The following OTOG variants were observed in gnomAD, a reference collection of about 807,000 sequenced individuals.
OTOG encodes otogelin.
In OTOG, 296 loss-of-function variants were observed where a neutral mutation model predicts 313.8. The ratio of observed to expected loss-of-function variants is 0.94; its 90% CI spans 0.86 to 1.04. OTOG has a LOEUF of 1.04. OTOG is among the 50% of genes least tolerant of loss of function. The pLI, the probability that OTOG is intolerant of heterozygous loss-of-function variation, is 0.00. For synonymous variants in OTOG, 1,533 were observed against 1,554.9 expected, an observed-to-expected ratio of 0.99 and a Z score of 0.33; for missense variants, 3,948 against 3,840.1, an observed-to-expected ratio of 1.03 and a Z score of -0.74.
chr11:17,635,027 G>T (rs1444209749), intron 45 of OTOG, 53 bp from the exon 46 acceptor site: 2 of 1,535,002 alleles, frequency 1.3e-6, no homozygotes, highest in African/African-American at 1.4e-5. Flanking sequence ...CAGGGGCCCA[G>T]GGGTGGCCAG....
Position 17,641,110 on chromosome 11 carries a change from C to T in OTOG, c.8190+19C>T, listed in dbSNP as rs556945139. The T allele has an allele frequency of 2.1e-3, 142 of 68,464 alleles. 5 individuals are homozygous for T. The highest frequency in any genetic ancestry group is 7.8e-3 in the South Asian group (114 of 14,526). 4.2% of individuals were successfully genotyped at this position (68,464 alleles called of 1,614,324 possible). On this transcript the variant is annotated intron_variant, in intron 51 of 55. Coordinates refer to ENST00000399397, the MANE Select transcript of OTOG (RefSeq NM_001292063.2). ...TGAGGCGGTAGGGTGCAGCCCAGGG[C>T]GGGGTGGGTGGGGTTGGGAGGGCTT...
intron 23 of OTOG, among the ~76,000 whole-genome samples, chr11:17,582,635 C>T (rs866593303): frequency 2.0e-4 from 30 of 152,296 alleles, no homozygotes; most frequent in African/African-American, 7.0e-4. Flanking sequence ...TTGGTGTTTT[C>T]AGTCTTTTCC....
intron 13 of OTOG, 35 bp from the exon 14 acceptor site, chr11:17,561,056 G>T (rs1216714250): frequency 6.5e-7 from 1 of 1,549,896 alleles, no homozygotes; most frequent in Admixed American, 2.0e-5. Flanking sequence ...GGCCTGGAGG[G>T]GTGACCTCTT....
intron 21 of OTOG, 89 bp from the exon 22 acceptor site, chr11:17,576,779 C>A: frequency 6.6e-7 from 1 of 1,508,718 alleles, no homozygotes; most frequent in Non-Finnish European, 9.0e-7. Flanking sequence ...TCTTTCTGAA[C>A]TCTGCAGTGA....
chr11:17,593,687 A>G lies in OTOG; in HGVS notation c.3219A>G (p.Pro1073=), dbSNP rs2134061325. Reference sequence around the variant, plus strand: ...GATTTTTCACACTGGTGCATTTCCCACAGGAGCACATCACCCTCTTGTGGG... The same window carrying G: ...GATTTTTCACACTGGTGCATTTCCCGCAGGAGCACATCACCCTCTTGTGGG... ...RVGFFTLVHF[P]QEHITLLWDQ... is the part of the protein sequence containing the mutation. Residue 1073 remains proline, a synonymous_variant, in exon 27 of 56, where the codon CCA becomes CCG. Coordinates refer to ENST00000399397, the MANE Select transcript of OTOG (RefSeq NM_001292063.2). 1 of 1,549,040 alleles carries G rather than the reference A, an allele frequency of 6.5e-7. No individual in the cohort carries two copies. Among genetic ancestry groups the G allele is most frequent in the Non-Finnish European group, 8.7e-7 (1 of 1,146,966 alleles).
At position 17,548,156 on chromosome 11, in the gene OTOG, A is replaced by C. The variant is rs757967833; in HGVS notation, c.160A>C (p.Ser54Arg). 1 of 1,547,266 alleles carries C rather than the reference A, an allele frequency of 6.5e-7. No homozygotes were observed. Among genetic ancestry groups the C allele is most frequent in the Non-Finnish European group, 8.7e-7 (1 of 1,145,074 alleles). ...QPEPAGQPSSSHQEATLAMGD... is the reference protein window; with the variant it reads ...QPEPAGQPSSRHQEATLAMGD... ...CCAGACTCGTGTTTCCTCCAGCAGC[A>C]GCCACCAGGAGGCGACCCTTGCCAT... Residue 54 changes from serine to arginine, a missense_variant, in exon 3 of 56, where the codon AGC becomes CGC. Transcript: ENST00000399397.
At position 17,599,658 on chromosome 11, in the gene OTOG, C is replaced by T; in HGVS notation, c.3683-13C>T. 1 of 1,550,654 alleles carries T rather than the reference C, an allele frequency of 6.4e-7. No individual in the cohort carries two copies. On this transcript the variant is annotated splice_polypyrimidine_tract_variant and intron_variant, in intron 30 of 55. Coordinates refer to ENST00000399397, the MANE Select transcript of OTOG (RefSeq NM_001292063.2). ...GGCTGGCTCTCAGGAAGTTCCTGTT[C>T]TCTCTCTTTCAGCGTATGACTGTGA...
chr11:17,640,408 G>A lies in OTOG; in HGVS notation c.7936-337G>A, dbSNP rs1391942091. 2.0e-5 allele frequency among the ~76,000 whole-genome samples: 3 copies of A among 152,294 alleles called. No homozygotes were observed. In the East Asian group the frequency reaches 5.8e-4, roughly 29 times the overall value. On this transcript the variant is annotated intron_variant, in intron 49 of 55. Coordinates refer to ENST00000399397, the MANE Select transcript of OTOG (RefSeq NM_001292063.2). ...TTTACAGTCCTTTTCTGAATTATAT[G>A]TAACCCTCCCCACCCCAGCACACAT...
chr11:17,550,683 T>A (rs1851912835), intron 3 of OTOG, among the ~76,000 whole-genome samples: 1 of 151,374 alleles, frequency 6.6e-6, no homozygotes, highest in Non-Finnish European at 1.5e-5. Flanking sequence ...AGGATGCGAG[T>A]TGTTTCCTGT....
At chr11:17,615,233 C>T (rs1275603533) in intron 39 of OTOG, among the ~76,000 whole-genome samples, 2 of 152,164 alleles carry the variant, frequency 1.3e-5, no homozygotes, top group East Asian at 1.9e-4. Context: ...GTTTTGAGAA[C>T]TTTTCCTGTG....
intron 49 of OTOG, 61 bp from the exon 50 acceptor site, chr11:17,640,684 C>G (rs2133719284): frequency 6.0e-6 from 9 of 1,506,118 alleles, no homozygotes; most frequent in Middle Eastern, 3.8e-4. Context: ...AGGTGGCAGA[C>G]TGCTCCTGAG....
rs977925469 is a variant in OTOG at position 17,635,656 on chromosome 11, G to A, written c.7740G>A (p.Glu2580=). The change falls in exon 47 of 56, where the codon GAG becomes GAA. Residue 2580 remains glutamate (E), a synonymous_variant. Coordinates refer to ENST00000399397, the MANE Select transcript of OTOG (RefSeq NM_001292063.2). The part of the protein sequence containing the change: ...PDSIPECQEG[E]ALTVHRNTTE... Reference sequence around the variant, plus strand: ...CCATCCCCGAATGTCAAGAAGGGGAGGCGCTCACTGTGCACAGGAATACCA... The same window carrying A: ...CCATCCCCGAATGTCAAGAAGGGGAAGCGCTCACTGTGCACAGGAATACCA... 1.3e-6 allele frequency: 2 copies of A among 1,550,430 alleles called. No individual in the cohort carries two copies. The highest frequency in any genetic ancestry group is 1.4e-5 in the African/African-American group (1 of 73,050).
At chr11:17,576,442 C>T in intron 20 of OTOG, 114 bp from the exon 21 acceptor site, 1 of 810,278 alleles carries the variant, frequency 1.2e-6, no homozygotes, top group Non-Finnish European at 2.1e-6. Context: ...GATACCATTA[C>T]TTTTCCCTGT....
At chr11:17,556,676 G>T (rs1358263372) in intron 7 of OTOG, among the ~76,000 whole-genome samples, 4 of 152,176 alleles carry the variant, frequency 2.6e-5, no homozygotes, top group Non-Finnish European at 4.4e-5. Flanking sequence ...CTGGGTTCAA[G>T]GTTGCCAAAT....
At chr11:17,609,527 G>A (rs1285964260) in intron 35 of OTOG, 128 bp from the exon 36 acceptor site, 20 of 889,644 alleles carry the variant, frequency 2.2e-5, no homozygotes, top group Non-Finnish European at 3.4e-5. Flanking sequence ...ACATCTGGCC[G>A]TTAGAAGCTG....
chr11:17,591,039 C>A (rs759328828), intron 24 of OTOG, among the ~76,000 whole-genome samples: 8 of 152,202 alleles, frequency 5.3e-5, no homozygotes, highest in Non-Finnish European at 1.2e-4. Context: ...TCTTCTCCCT[C>A]TAGAATAAAC....
intron 38 of OTOG, among the ~76,000 whole-genome samples, chr11:17,613,325 TG>T (rs1392097748): frequency 6.2e-4 from 71 of 114,084 alleles, no homozygotes; most frequent in African/African-American, 3.0e-3. Context: ...CTCTCTGCCC[TG>T]CCCTTCCTTC....
chr11:17,579,039 C>G (rs903499689), intron 23 of OTOG, among the ~76,000 whole-genome samples: 1 of 152,336 alleles, frequency 6.6e-6, no homozygotes, highest in East Asian at 1.9e-4. Context: ...CCATTAAAGC[C>G]GTGAGAGCTG....
intron 40 of OTOG, among the ~76,000 whole-genome samples, chr11:17,630,374 T>G (rs1177060300): frequency 6.6e-6 from 1 of 152,090 alleles, no homozygotes; most frequent in African/African-American, 2.4e-5. Flanking sequence ...AGCCAACCCC[T>G]CCCTAGGATA....
Sources: gnomAD v4.1 joint callset for allele counts (sites outside exome capture counted in the v4.1 genomes callset) on GRCh38, gnomAD v4.1.1 for gene constraint, MANE v1.5 for transcripts, NCBI Gene and HGNC (gene_info 2026-07-23, HGNC 2026-07-21) for gene names.